RBP5: variants seen among roughly 807,000 people sequenced by gnomAD.
RBP5 encodes retinol-binding protein 5.
In RBP5, 12 loss-of-function variants were observed where a neutral mutation model predicts 17.8. The ratio of observed to expected loss-of-function variants is 0.67; its 90% CI spans 0.43 to 1.09. RBP5 has a LOEUF of 1.09. RBP5 is among the 50% of genes least tolerant of loss of function. RBP5 has a pLI of 0.00. For synonymous variants in RBP5, 64 were observed against 68.1 expected, an observed-to-expected ratio of 0.94 and a Z score of 0.30; for missense variants, 172 against 169.4, an observed-to-expected ratio of 1.02 and a Z score of -0.09.
downstream of RBP5, among the ~76,000 whole-genome samples, chr12:7,120,279 G>T (rs11053729): frequency 0.072 from 10,926 of 152,130 alleles, 479 homozygotes; most frequent in East Asian, 0.17. Context: ...TCTAGTAGGG[G>T]TGCATATTCA....
downstream of RBP5, chr12:7,120,872 A>C (rs1939071204): frequency 6.6e-6 from 1 of 152,052 alleles, no homozygotes; most frequent in Admixed American, 6.6e-5. Flanking sequence ...CTAAAAATAC[A>C]AAAAAATTAC....
At chr12:7,123,623 T>C, downstream of RBP5, 1 of 156,136 alleles carries the variant, frequency 6.4e-6, no homozygotes, top group Non-Finnish European at 1.4e-5. Context: ...GTCTTGGGCC[T>C]GGTTTTGTTG....
Position 7,128,417 on chromosome 12 carries a change from G to A in RBP5, c.75C>T (p.Asn25=). ...KNMEDYLQAL[N]ISLAVRKIAL... ...CGATCTTCCGCACAGCCAAGCTGAT[G>A]TCTGTGGGGGCTGCCTGTTAGTAGG... Residue 25 remains asparagine (N), a splice_region_variant and synonymous_variant, in exon 2 of 4, where the codon AAC becomes AAT. Coordinates refer to ENST00000266560, the MANE Select transcript of RBP5 (RefSeq NM_031491.4). This position sits in a 1 kb window ranked among gnomAD's most constrained non-coding sequence, Gnocchi z 5.3. The A allele has an allele frequency of 6.2e-7, 1 of 1,614,026 alleles. No homozygotes were observed. The highest frequency in any genetic ancestry group is 8.5e-7 in the Non-Finnish European group (1 of 1,179,920).
chr12:7,126,512 T>TGGTGGTGGTG (rs1555167375), intron 2 of RBP5, among the ~76,000 whole-genome samples: 1 of 100,540 alleles, frequency 9.9e-6, no homozygotes, highest in Non-Finnish European at 2.2e-5. Context: ...GTGGTGGTGG[T>TGGTGGTGGTG]GTGTGTGTGT....
intron 2 of RBP5, among the ~76,000 whole-genome samples, chr12:7,126,320 A>G (rs956955885): frequency 2.0e-5 from 3 of 152,258 alleles, no homozygotes; most frequent in Non-Finnish European, 4.4e-5. Flanking sequence ...GCATGCAGCC[A>G]ATATAAACAT....
Position 7,128,443 on chromosome 12 carries a change from G to A in RBP5, c.74-25C>T, listed in dbSNP as rs1470725609. 6.2e-7 allele frequency: 1 copy of A among 1,611,484 alleles called. No individual in the cohort carries two copies. ...TCTGTGGGGGCTGCCTGTTAGTAGG[G>A]GTGCTGCTAGCCAGCCAGGAGCTCC... On this transcript the variant is annotated intron_variant, in intron 1 of 3. Coordinates refer to ENST00000266560, the MANE Select transcript of RBP5 (RefSeq NM_031491.4). The surrounding 1 kb of genome is among the most constrained non-coding windows in gnomAD (Gnocchi z 5.3).
At chr12:7,120,309 A>T (rs1216387811), downstream of RBP5, among the ~76,000 whole-genome samples, 1 of 152,094 alleles carries the variant, frequency 6.6e-6, no homozygotes, top group East Asian at 1.9e-4. Context: ...ACAGGTTCCC[A>T]CAGAGCAATG....
chr12:7,129,817 G>C (rs1404351564), upstream of RBP5: 1 of 985,616 alleles, frequency 1.0e-6, no homozygotes, highest in Non-Finnish European at 1.2e-6. The surrounding 1 kb of genome is among the most constrained non-coding windows in gnomAD (Gnocchi z 5.5). Flanking sequence ...GGAGGCGGCC[G>C]GTCCCGACAG....
chr12:7,119,899 G>C (rs1421654526), downstream of RBP5, among the ~76,000 whole-genome samples: 1 of 152,242 alleles, frequency 6.6e-6, no homozygotes, highest in Admixed American at 6.5e-5. Context: ...GGCATTTCAT[G>C]CCTGGCCACT....
At chr12:7,123,392 C>T (rs1328615132), downstream of RBP5, among the ~76,000 whole-genome samples, 1 of 152,160 alleles carries the variant, frequency 6.6e-6, no homozygotes, top group Non-Finnish European at 1.5e-5. Flanking sequence ...CGTCTACTTC[C>T]TTTTTCAGCT....
In RBP5 at chr12:7,127,808, A is replaced by C. The variant is rs768074027; in HGVS notation, c.252+432T>G. On this transcript the variant is annotated intron_variant, in intron 2 of 3. Transcript: ENST00000266560. ...AGACATTAAGAACAAAACTCTGCGG[A>C]GAAAACTCCAGTTTAAAGGATTAAT... The C allele has an allele frequency of 8.0e-4, 545 of 677,944 alleles. 11 individuals carry two copies. The Middle Eastern group carries it at 0.042, about 52-fold the overall frequency. The allele number at this position is 677,944 out of a possible 1,614,324, so 42.0% of individuals were successfully genotyped here. A position where few individuals can be genotyped will look rare whatever the true frequency, so the allele number is the denominator to read the frequency against.
In RBP5 at chr12:7,128,251, G is replaced by A. The variant is rs191452484; in HGVS notation, c.241C>T (p.Arg81Ter). The A allele has an allele frequency of 1.2e-5, 19 of 1,609,932 alleles. No homozygotes were observed. The East Asian group carries it at 1.6e-4, about 13-fold the overall frequency. ...FEEDLRSVDG[R>*]KCQTIVTWEE... ...CAGGGGAAATGTACCTGGCATTTTCGTCCGTCCACGCTCCTGAGGTCCTCC... is the reference window on the plus strand; with the variant it reads ...CAGGGGAAATGTACCTGGCATTTTCATCCGTCCACGCTCCTGAGGTCCTCC... Residue 81 changes from arginine (R) to a stop codon, truncating the protein, a stop_gained, in exon 2 of 4, where the codon CGA (arginine) becomes TGA (stop). Transcript: ENST00000266560. LOFTEE classifies it high-confidence loss of function. This position sits in a 1 kb window ranked among gnomAD's most constrained non-coding sequence, Gnocchi z 5.3.
chr12:7,116,677 C>T (rs1939009181), exon 4 of RBP5: 1 of 152,200 alleles, frequency 6.6e-6, no homozygotes, highest in Admixed American at 6.5e-5. Context: ...ACTCTCTAGA[C>T]TCGTGGAAGG....
At chr12:7,121,052 A>T (rs1423340120), downstream of RBP5, 1 of 152,178 alleles carries the variant, frequency 6.6e-6, no homozygotes, top group African/African-American at 2.4e-5. Context: ...AGAAAAAGAA[A>T]AAAGAAAAAG....
chr12:7,122,294 C>T (rs1362402652), downstream of RBP5: 1 of 152,238 alleles, frequency 6.6e-6, no homozygotes, highest in African/African-American at 2.4e-5. Flanking sequence ...ATAGTCCTCC[C>T]CTGATGCTTG....
downstream of RBP5, among the ~76,000 whole-genome samples, chr12:7,120,282 C>T (rs1939061852): frequency 6.6e-6 from 1 of 152,034 alleles, no homozygotes; most frequent in South Asian, 2.1e-4. Context: ...AGTAGGGGTG[C>T]ATATTCAGCA....
At chr12:7,126,968 G>A (rs1323897947) in intron 2 of RBP5, among the ~76,000 whole-genome samples, 1 of 141,770 alleles carries the variant, frequency 7.1e-6, no homozygotes, top group African/African-American at 2.7e-5. Flanking sequence ...ACCATGCCCG[G>A]CTAATTTTTG....
Position 7,124,241 on chromosome 12 carries a change from A to G in RBP5, c.355-67T>C, listed in dbSNP as rs1939123373. The G allele has an allele frequency of 1.4e-6, 2 of 1,469,546 alleles. No homozygotes were observed. Among genetic ancestry groups the G allele is most frequent in the African/African-American group, 1.4e-5 (1 of 71,894 alleles). The allele number at this position is 1,469,546 out of a possible 1,614,324, so 91.0% of individuals were successfully genotyped here. ...GTTTGCCAGCCAGAGCCCCTTTCTCAAGGTCCTTGACCTCCATTTACTCCT... is the reference window on the plus strand; with the variant it reads ...GTTTGCCAGCCAGAGCCCCTTTCTCGAGGTCCTTGACCTCCATTTACTCCT... On this transcript the variant is annotated intron_variant, in intron 3 of 3. Coordinates refer to ENST00000266560, the MANE Select transcript of RBP5 (RefSeq NM_031491.4). The surrounding 1 kb of genome is among the most constrained non-coding windows in gnomAD (Gnocchi z 5.3).
downstream of RBP5, among the ~76,000 whole-genome samples, chr12:7,119,266 G>A (rs1316325821): frequency 6.6e-6 from 1 of 152,054 alleles, no homozygotes; most frequent in African/African-American, 2.4e-5. Context: ...AGCCATCACT[G>A]CAGTGGCACT....
Sources: allele counts gnomAD v4.1 joint callset (sites outside exome capture counted in the v4.1 genomes callset), GRCh38; gene constraint gnomAD v4.1.1; non-coding constraint Gnocchi (gnomAD v3.1); transcripts MANE v1.5; gene names NCBI Gene and HGNC (gene_info 2026-07-23, HGNC 2026-07-21).